MACF1: variants seen among roughly 807,000 people sequenced by gnomAD.
MACF1 encodes the protein microtubule actin crosslinking factor 1.
MACF1 carries 193 observed loss-of-function variants against 854.8 expected under a neutral mutation model. The observed-to-expected ratio is 0.23, with a 90% confidence interval of 0.20 to 0.25. The LOEUF is 0.25. Among genes scored for constraint, MACF1 ranks in the 10% least tolerant of loss-of-function variants. MACF1 has a pLI of 1.00. For missense variants in MACF1, 7,722 were observed against 8,929.1 expected (o/e 0.86, Z 5.45); for synonymous variants, 3,185 against 3,226.7 (o/e 0.99, Z 0.44).
intron 2 of MACF1, among the ~76,000 whole-genome samples, chr1:39,194,704 T>TCCCC (rs1557511211): frequency 6.6e-5 from 5 of 76,166 alleles, no homozygotes; most frequent in East Asian, 3.5e-4. Context: ...CTCCCCTCCC[T>TCCCC]TCCCTTCTCT....
intron 2 of MACF1, among the ~76,000 whole-genome samples, chr1:39,147,837 G>T (rs906741372): frequency 1.3e-5 from 2 of 152,168 alleles, no homozygotes; most frequent in Non-Finnish European, 2.9e-5. Flanking sequence ...AACAGATATT[G>T]TTTCCTGGCT....
intron 1 of MACF1, among the ~76,000 whole-genome samples, chr1:39,209,962 C>T (rs576961775): frequency 2.0e-4 from 31 of 151,978 alleles, no homozygotes; most frequent in African/African-American, 4.8e-4. Flanking sequence ...TGGTGGTGTG[C>T]GCCTGTAATC....
chr1:39,381,660 G>T (rs527981405), intron 55 of MACF1, among the ~76,000 whole-genome samples: 9 of 151,986 alleles, frequency 5.9e-5, no homozygotes, highest in East Asian at 1.9e-4. Context: ...GGGAGATCCC[G>T]TCTCTACAAA....
At chr1:39,207,142 C>A (rs1644459455) in intron 1 of MACF1, among the ~76,000 whole-genome samples, 1 of 152,022 alleles carries the variant, frequency 6.6e-6, no homozygotes, top group African/African-American at 2.4e-5. Context: ...GTAATTAATT[C>A]ATCTCTATGT....
intron 95 of MACF1, 31 bp from the exon 96 acceptor site, chr1:39,468,584 T>C (rs1163503500): frequency 6.5e-7 from 1 of 1,534,270 alleles, no homozygotes; most frequent in East Asian, 2.2e-5. Context: ...TTAAGACATA[T>C]ATATTAATTA....
At chr1:39,414,354 C>T in intron 58 of MACF1, 1 of 1,613,968 alleles carries the variant, frequency 6.2e-7, no homozygotes, top group South Asian at 1.1e-5. Flanking sequence ...AGGAGGCTTC[C>T]TCCACTGGAA....
At chr1:39,117,081 T>C (rs139401128) in intron 2 of MACF1, among the ~76,000 whole-genome samples, 1 of 152,254 alleles carries the variant, frequency 6.6e-6, no homozygotes, top group East Asian at 1.9e-4. Context: ...ATGAAGGAGA[T>C]AGATTTGTTC....
At chr1:39,114,362 C>G (rs910505149) in intron 2 of MACF1, among the ~76,000 whole-genome samples, 2 of 152,064 alleles carry the variant, frequency 1.3e-5, no homozygotes, top group Admixed American at 6.6e-5. Flanking sequence ...TATGCTCGCC[C>G]CTTTGACCCT....
chr1:39,249,416 A>G (rs1645015744), intron 2 of MACF1, among the ~76,000 whole-genome samples: 1 of 152,232 alleles, frequency 6.6e-6, no homozygotes, highest in Admixed American at 6.5e-5. Context: ...AACATATTAA[A>G]CATTTAGTAC....
chr1:39,317,081 A>G (rs1646425671), intron 28 of MACF1, 133 bp from the exon 29 acceptor site: 1 of 925,940 alleles, frequency 1.1e-6, no homozygotes, highest in Admixed American at 2.9e-5. Context: ...CAGTCCTGGC[A>G]CAAACATTCC....
intron 52 of MACF1, chr1:39,372,935 C>T (rs1649368632): frequency 4.1e-6 from 1 of 244,084 alleles, no homozygotes; most frequent in African/African-American, 2.4e-5. Flanking sequence ...CATCTTTAAA[C>T]TTGGGCACTG....
chr1:39,310,156 T>C, intron 24 of MACF1, 89 bp from the exon 25 acceptor site: 2 of 1,021,650 alleles, frequency 2.0e-6, no homozygotes, highest in Non-Finnish European at 2.8e-6. Context: ...TGCACTGTTT[T>C]GTATATATGT....
At chr1:39,192,478 G>A (rs1644267208) in intron 2 of MACF1, among the ~76,000 whole-genome samples, 1 of 152,164 alleles carries the variant, frequency 6.6e-6, no homozygotes, top group African/African-American at 2.4e-5. Context: ...CAACTTTATG[G>A]TGATAATGTT....
At chr1:39,284,485 C>G (rs1645607979) in intron 11 of MACF1, 57 bp downstream of exon 11, 1 of 1,140,848 alleles carries the variant, frequency 8.8e-7, no homozygotes, top group Admixed American at 2.4e-5. Flanking sequence ...ACTGTTGTTG[C>G]TTCTTGATTA....
chr1:39,248,948 G>A (rs965356592), intron 2 of MACF1, among the ~76,000 whole-genome samples: 3 of 151,730 alleles, frequency 2.0e-5, no homozygotes, highest in African/African-American at 7.3e-5. Flanking sequence ...GGCTGATCTC[G>A]AACTCCTAGG....
chr1:39,161,732 TG>T lies in MACF1; in HGVS notation c.221-69448del, dbSNP rs1643802157. ...ATACAAAAAAATTAGCCAGGCGTGG[TG>T]GCGGGCGCCTGTAGTCCCAGCTACT... On this transcript the variant is annotated intron_variant, in intron 2 of 93. Transcript: ENST00000361689. Among the ~76,000 whole-genome samples the T allele has an allele frequency of 2.6e-5, 4 of 152,012 alleles. No homozygotes were observed. In the South Asian group the frequency reaches 8.3e-4, roughly 32 times the overall value.
chr1:39,234,686 G>T (rs1350419647), intron 2 of MACF1, among the ~76,000 whole-genome samples: 2 of 119,518 alleles, frequency 1.7e-5, no homozygotes, highest in Admixed American at 8.5e-5. Context: ...GCTGTCGGGC[G>T]GAGACGCTCC....
chr1:39,210,517 AT>A (rs201674872), intron 1 of MACF1, among the ~76,000 whole-genome samples: 45 of 147,234 alleles, frequency 3.1e-4, no homozygotes, highest in Admixed American at 2.8e-3. Flanking sequence ...TTTCCTTTGC[AT>A]TTTTTTTTTC....
At chr1:39,096,140 GATC>G (rs1641931018) in intron 2 of MACF1, among the ~76,000 whole-genome samples, 2 of 145,740 alleles carry the variant, frequency 1.4e-5, no homozygotes, top group African/African-American at 2.6e-5. Context: ...CTGCAGCTGT[GATC>G]ATCATCATCC....
Sources: allele counts gnomAD v4.1 joint callset (sites outside exome capture counted in the v4.1 genomes callset), GRCh38; gene constraint gnomAD v4.1.1; transcripts MANE v1.5; gene names NCBI Gene and HGNC (gene_info 2026-07-23, HGNC 2026-07-21).